Variants in PIP4K2A observed in about 807,000 individuals in gnomAD.
PIP4K2A encodes the protein phosphatidylinositol 5-phosphate 4-kinase type-2 alpha.
Under a neutral mutation model 42.9 loss-of-function variants are expected in PIP4K2A, and 14 were observed. The ratio of observed to expected loss-of-function variants is 0.33; its 90% confidence interval spans 0.22 to 0.51. PIP4K2A has a LOEUF of 0.51. Ranked by LOEUF, PIP4K2A falls within the 20% of genes least tolerant of loss-of-function variation. The pLI is 0.97. For synonymous variants in PIP4K2A, 192 were observed against 192.2 expected, an observed-to-expected ratio of 1.00 and a Z score of 0.01; for missense variants, 434 against 519.8, an observed-to-expected ratio of 0.83 and a Z score of 1.61.
At chr10:22,631,994 C>A (rs1334763479) in intron 1 of PIP4K2A, among the ~76,000 whole-genome samples, 1 of 151,978 alleles carries the variant, frequency 6.6e-6, no homozygotes, top group Non-Finnish European at 1.5e-5. Flanking sequence ...GGACACAACA[C>A]TAACGCTCTG....
intron 1 of PIP4K2A, among the ~76,000 whole-genome samples, chr10:22,616,770 C>G (rs143213466): frequency 0.025 from 3,831 of 152,096 alleles, 162 homozygotes; most frequent in African/African-American, 0.087. Context: ...GTACCATGGG[C>G]TACTACAATT....
At chr10:22,685,301 A>G (rs1391560512) in intron 1 of PIP4K2A, among the ~76,000 whole-genome samples, 7 of 152,204 alleles carry the variant, frequency 4.6e-5, no homozygotes, top group African/African-American at 4.8e-5. Flanking sequence ...CATACTATTA[A>G]TGAATCATAA....
intron 1 of PIP4K2A, among the ~76,000 whole-genome samples, chr10:22,669,451 T>C (rs1267504624): frequency 6.6e-6 from 1 of 151,848 alleles, no homozygotes; most frequent in African/African-American, 2.4e-5. Flanking sequence ...CACATGACTA[T>C]GCATAAATGA....
intron 1 of PIP4K2A, among the ~76,000 whole-genome samples, chr10:22,666,082 T>C (rs7915780): frequency 0.12 from 17,639 of 151,462 alleles, 1,130 homozygotes; most frequent in Middle Eastern, 0.22. Flanking sequence ...CACCTATCTT[T>C]AGGAAAAAAT....
intron 1 of PIP4K2A, among the ~76,000 whole-genome samples, chr10:22,629,877 C>A (rs574072300): frequency 6.6e-6 from 1 of 152,102 alleles, no homozygotes; most frequent in South Asian, 2.1e-4. Context: ...GGGAGCCCTC[C>A]TTTCTATAAG....
intron 1 of PIP4K2A, among the ~76,000 whole-genome samples, chr10:22,688,705 A>C (rs1211334629): frequency 1.3e-5 from 2 of 152,158 alleles, no homozygotes; most frequent in Non-Finnish European, 2.9e-5. Flanking sequence ...CTCCTACCTC[A>C]GACTCCCAAA....
At chr10:22,679,539 C>A (rs1039420969) in intron 1 of PIP4K2A, among the ~76,000 whole-genome samples, 4 of 152,172 alleles carry the variant, frequency 2.6e-5, no homozygotes, top group African/African-American at 9.7e-5. Flanking sequence ...TATAACCCAA[C>A]AATTTCACTA....
At chr10:22,671,076 T>C (rs1430284269) in intron 1 of PIP4K2A, among the ~76,000 whole-genome samples, 1 of 152,168 alleles carries the variant, frequency 6.6e-6, no homozygotes, top group Non-Finnish European at 1.5e-5. Flanking sequence ...AATCCTCATG[T>C]TTCTTAGTGA....
chr10:22,597,578 T>C (rs185705350), intron 3 of PIP4K2A, among the ~76,000 whole-genome samples: 2 of 152,082 alleles, frequency 1.3e-5, no homozygotes, highest in Admixed American at 6.5e-5. Context: ...GAGCAATCTT[T>C]TATACTGGGA....
intron 1 of PIP4K2A, among the ~76,000 whole-genome samples, chr10:22,623,207 T>C (rs989822477): frequency 3.3e-5 from 5 of 152,084 alleles, no homozygotes; most frequent in Admixed American, 2.6e-4. Context: ...TGTTTGTCTA[T>C]GAAACTCACT....
At chr10:22,637,740 A>G (rs1320919595) in intron 1 of PIP4K2A, among the ~76,000 whole-genome samples, 2 of 152,214 alleles carry the variant, frequency 1.3e-5, no homozygotes, top group Non-Finnish European at 2.9e-5. Flanking sequence ...CAACTCAGAC[A>G]CAAGCCACCA....
At chr10:22,624,932 A>C (rs1838405243) in intron 1 of PIP4K2A, among the ~76,000 whole-genome samples, 1 of 152,250 alleles carries the variant, frequency 6.6e-6, no homozygotes, top group East Asian at 1.9e-4. Flanking sequence ...TGTATTAGAA[A>C]TCTTGCCAGA....
chr10:22,683,370 C>T lies in PIP4K2A; in HGVS notation c.144+30813G>A, dbSNP rs184736491. Among the ~76,000 whole-genome samples, 439 of 152,212 alleles carry T rather than the reference C, an allele frequency of 2.9e-3. 2 individuals are homozygous for T. Among genetic ancestry groups the T allele is most frequent in the African/African-American group, 9.0e-3 (374 of 41,538 alleles). ...TGCTGTGGTACAGACCCCAAGTTTT[C>T]GCAACTCAGAGGTGGGCCAAGTGCA... On this transcript the variant is annotated intron_variant, in intron 1 of 9. Transcript: ENST00000376573.
At chr10:22,588,448 A>C (rs898766143) in intron 4 of PIP4K2A, among the ~76,000 whole-genome samples, 2 of 152,232 alleles carry the variant, frequency 1.3e-5, no homozygotes, top group Non-Finnish European at 2.9e-5. Context: ...CCTTGGCAAC[A>C]GACTCAAAGT....
At chr10:22,664,789 A>G (rs1335604375) in intron 1 of PIP4K2A, among the ~76,000 whole-genome samples, 2 of 152,206 alleles carry the variant, frequency 1.3e-5, no homozygotes, top group Non-Finnish European at 2.9e-5. Context: ...CTTAAAATAT[A>G]TTACATTTGA....
chr10:22,666,293 A>G (rs914318143), intron 1 of PIP4K2A, among the ~76,000 whole-genome samples: 1 of 152,216 alleles, frequency 6.6e-6, no homozygotes, highest in African/African-American at 2.4e-5. Context: ...CCTTTAAAGT[A>G]TATTGTATAA....
At chr10:22,708,350 C>T (rs1202636705) in intron 1 of PIP4K2A, among the ~76,000 whole-genome samples, 1 of 152,066 alleles carries the variant, frequency 6.6e-6, no homozygotes, top group Non-Finnish European at 1.5e-5. Flanking sequence ...GCCAAGTGTC[C>T]CCAGTGTCCC....
chr10:22,536,674 A>ATCT lies in PIP4K2A; in HGVS notation c.*524_*526dup, dbSNP rs1425027110. On this transcript the variant is annotated 3_prime_UTR_variant, in exon 10 of 10. Transcript: ENST00000376573. The stretch of plus-strand genomic sequence containing the variant: ...CATTATTATAATAATCATCATTATT[A>ATCT]TCTTCATTATTCTGAATACTGTCTC... The ATCT allele has an allele frequency of 7.7e-6, 1 of 130,130 alleles. No homozygotes were observed. The highest frequency in any genetic ancestry group is 2.4e-4 in the East Asian group (1 of 4,120). 8.1% of individuals were successfully genotyped at this position (130,130 alleles called of 1,614,324 possible).
At chr10:22,559,855 A>C (rs1437004446) in intron 6 of PIP4K2A, among the ~76,000 whole-genome samples, 1 of 152,144 alleles carries the variant, frequency 6.6e-6, no homozygotes, top group Non-Finnish European at 1.5e-5. Flanking sequence ...AAATCCTTTA[A>C]TTTTACAAAC....
Sources: allele counts gnomAD v4.1 joint callset (sites outside exome capture counted in the v4.1 genomes callset), GRCh38; gene constraint gnomAD v4.1.1; transcripts MANE v1.5; gene names NCBI Gene and HGNC (gene_info 2026-07-23, HGNC 2026-07-21).